ADAMTS9: variants seen among roughly 807,000 people sequenced by gnomAD.
ADAMTS9 encodes A disintegrin and metalloproteinase with thrombospondin motifs 9.
A neutral mutation model predicts 257.1 loss-of-function variants in ADAMTS9; 107 were observed. That is an observed-to-expected ratio of 0.42 (90% confidence interval 0.36 to 0.49). ADAMTS9 has a LOEUF of 0.49. Ranked by LOEUF, ADAMTS9 falls within the 20% of genes least tolerant of loss-of-function variation. ADAMTS9 has a pLI of 0.03. For missense variants in ADAMTS9, 2,353 were observed against 2,469.1 expected (o/e 0.95, Z 1.00); for synonymous variants, 982 against 880.9 (o/e 1.11, Z -2.03).
intron 16 of ADAMTS9, among the ~76,000 whole-genome samples, chr3:64,628,390 A>G (rs981624794): frequency 2.6e-5 from 4 of 152,210 alleles, no homozygotes; most frequent in African/African-American, 9.6e-5. Context: ...TCTTTCGAAG[A>G]GAAGAAAGGA....
At chr3:64,607,485 A>T (rs1347592092) in intron 22 of ADAMTS9, among the ~76,000 whole-genome samples, 1 of 152,216 alleles carries the variant, frequency 6.6e-6, no homozygotes, top group Non-Finnish European at 1.5e-5. Context: ...GTTTGCATCA[A>T]TATTTTTATA....
chr3:64,580,986 G>A (rs1249007984), intron 28 of ADAMTS9, among the ~76,000 whole-genome samples: 1 of 152,162 alleles, frequency 6.6e-6, no homozygotes, highest in Non-Finnish European at 1.5e-5. Flanking sequence ...ATTACTGACT[G>A]TATAATTATT....
In ADAMTS9 at chr3:64,615,947, A is replaced by G. The variant is rs1281160044; in HGVS notation, c.3024+13T>C. On this transcript the variant is annotated intron_variant, in intron 20 of 39. Transcript: ENST00000498707. ...AGCATCCAAGAAGACTCTTTGAGTG[A>G]GAGCCAACTTACTTCAGTCCAGGCA... 3 of 1,612,488 alleles carry G rather than the reference A, an allele frequency of 1.9e-6. No individual in the cohort carries two copies. In the Admixed American group the frequency reaches 5.0e-5, roughly 27 times the overall value.
intron 22 of ADAMTS9, among the ~76,000 whole-genome samples, chr3:64,611,557 A>G (rs185109672): frequency 2.6e-4 from 40 of 152,056 alleles, no homozygotes; most frequent in Non-Finnish European, 3.8e-4. Flanking sequence ...CATGGAAGAC[A>G]TCTTCCACAG....
In ADAMTS9 at chr3:64,658,789, G is replaced by A. The variant is rs776279271; in HGVS notation, c.682C>T (p.His228Tyr). 6 of 1,610,824 alleles carry A rather than the reference G, an allele frequency of 3.7e-6. No homozygotes were observed. The Admixed American group carries it at 5.0e-5, about 14-fold the overall frequency. ...TTGTCTTTACTGTGCCTATTTTTGT[G>A]TTCTGTAACAAATCAGATGGTATGC... is the stretch of plus-strand genomic sequence containing the variant. ...TGRHACDTSE[H>Y]KNRHSKDKKK... The change falls in exon 4 of 40, where the codon CAC (histidine) becomes TAC (tyrosine). Residue 228 changes from histidine (H) to tyrosine (Y), a missense_variant and splice_region_variant. Physicochemically the swap from His to Tyr is moderately conservative, Grantham distance 83. Transcript: ENST00000498707.
intron 18 of ADAMTS9, among the ~76,000 whole-genome samples, chr3:64,621,589 C>A (rs115296969): frequency 6.6e-6 from 1 of 151,708 alleles, no homozygotes; most frequent in African/African-American, 2.4e-5. Flanking sequence ...TGGTGAAACC[C>A]GTTCTCTACC....
chr3:64,599,182 C>T (rs1021679278), intron 26 of ADAMTS9, among the ~76,000 whole-genome samples: 10 of 152,250 alleles, frequency 6.6e-5, no homozygotes, highest in Non-Finnish European at 1.3e-4. Context: ...GGTCTTTATA[C>T]TCCCACAGAC....
chr3:64,626,119 G>C (rs945299269), intron 16 of ADAMTS9, among the ~76,000 whole-genome samples: 11 of 152,134 alleles, frequency 7.2e-5, no homozygotes, highest in African/African-American at 2.7e-4. Context: ...TTGTTATATG[G>C]ATTAAATAAG....
chr3:64,613,268 T>C, intron 22 of ADAMTS9, 77 bp downstream of exon 22: 3 of 1,546,734 alleles, frequency 1.9e-6, no homozygotes, highest in Non-Finnish European at 2.6e-6. Flanking sequence ...TCTCCACCAC[T>C]GGAATGCTCC....
chr3:64,535,752 T>C (rs1000912588), intron 37 of ADAMTS9, among the ~76,000 whole-genome samples: 1 of 151,824 alleles, frequency 6.6e-6, no homozygotes, highest in African/African-American at 2.4e-5. Context: ...AGTTTCACCA[T>C]GTTGGCCAGG....
intron 36 of ADAMTS9, among the ~76,000 whole-genome samples, chr3:64,539,903 C>T (rs535995578): frequency 3.3e-5 from 5 of 152,354 alleles, no homozygotes; most frequent in East Asian, 3.9e-4. Context: ...CCAAAGTGCA[C>T]GTTGTTAACC....
chr3:64,573,725 G>A (rs554629922), intron 28 of ADAMTS9, among the ~76,000 whole-genome samples: 3 of 152,280 alleles, frequency 2.0e-5, no homozygotes, highest in South Asian at 4.1e-4. Flanking sequence ...AGGATGCAAC[G>A]CATATGCCCA....
intron 30 of ADAMTS9, among the ~76,000 whole-genome samples, chr3:64,554,672 A>T (rs969966991): frequency 6.6e-6 from 1 of 152,240 alleles, no homozygotes. Flanking sequence ...TAACACCACC[A>T]GCCTCCTTGC....
chr3:64,606,980 T>C lies in ADAMTS9; in HGVS notation c.3454A>G (p.Thr1152Ala). The C allele has an allele frequency of 6.2e-7, 1 of 1,613,892 alleles. No homozygotes were observed. The highest frequency in any genetic ancestry group is 8.5e-7 in the Non-Finnish European group (1 of 1,179,802). Reference protein sequence around the residue: ...VVDDNDCNAATRPTDTQDCEL... With the variant: ...VVDDNDCNAAARPTDTQDCEL... The stretch of plus-strand genomic sequence containing the variant: ...CTTACCTGGGTATCAGTTGGTCTAG[T>C]TGCTGCATTACAGTCATTGTCATCT... Residue 1152 changes from threonine (T) to alanine (A), a missense_variant, in exon 23 of 40, where the codon ACT becomes GCT. Coordinates refer to ENST00000498707, the MANE Select transcript of ADAMTS9 (RefSeq NM_182920.2).
At chr3:64,655,985 G>T (rs540254162) in intron 4 of ADAMTS9, 110 bp from the exon 5 acceptor site, 1 of 619,890 alleles carries the variant, frequency 1.6e-6, no homozygotes, top group Non-Finnish European at 2.7e-6. Context: ...TGCAACATAT[G>T]CATTTTGTGG....
Position 64,622,295 on chromosome 3 carries a change from A to G in ADAMTS9, c.2589T>C (p.Asp863=). 1.9e-6 allele frequency: 3 copies of G among 1,613,916 alleles called. No homozygotes were observed. The highest frequency in any genetic ancestry group is 2.5e-6 in the Non-Finnish European group (3 of 1,179,960). ...VLSVGKLYNP[D]VRYSFNIPIE... ...TTGGAATATTGAAAGAATAGCGTAC[A>G]TCGGGGTTGTACAACTTTCCCACCG... The change falls in exon 18 of 40, where the codon GAT becomes GAC. Residue 863 remains aspartate (D), a synonymous_variant. Coordinates refer to ENST00000498707, the MANE Select transcript of ADAMTS9 (RefSeq NM_182920.2).
At chr3:64,653,120 C>T (rs1486930876) in intron 8 of ADAMTS9, among the ~76,000 whole-genome samples, 1 of 152,144 alleles carries the variant, frequency 6.6e-6, no homozygotes, top group African/African-American at 2.4e-5. Flanking sequence ...GTAAGGAATT[C>T]TACACCTGTA....
intron 28 of ADAMTS9, among the ~76,000 whole-genome samples, chr3:64,593,623 G>A (rs2106787926): frequency 6.6e-6 from 1 of 152,268 alleles, no homozygotes; most frequent in African/African-American, 2.4e-5. Context: ...AGGAAGACTA[G>A]GACCAAAGCA....
chr3:64,673,686 CAT>C (rs1295121963), intron 3 of ADAMTS9, among the ~76,000 whole-genome samples: 5 of 151,858 alleles, frequency 3.3e-5, no homozygotes, highest in Non-Finnish European at 7.4e-5. Flanking sequence ...TTTGCTGAAA[CAT>C]TATTTATAAT....
Sources: gnomAD v4.1 joint callset for allele counts (sites outside exome capture counted in the v4.1 genomes callset) on GRCh38, gnomAD v4.1.1 for gene constraint, MANE v1.5 for transcripts, NCBI Gene and HGNC (gene_info 2026-07-23, HGNC 2026-07-21) for gene names.